The following DARS1 variants were observed in gnomAD, a reference collection of about 807,000 sequenced individuals.
DARS1 encodes the protein aspartyl-tRNA synthetase 1.
DARS1 carries 51 observed loss-of-function variants against 68.8 expected under a neutral mutation model. The observed-to-expected ratio is 0.74, with a 90% CI of 0.59 to 0.94. The LOEUF (loss-of-function observed/expected upper bound fraction) is 0.94. Ranked by LOEUF, DARS1 falls within the 40% of genes least tolerant of loss-of-function variation. The probability of loss-of-function intolerance (pLI) is 0.00; values close to 1 mark genes in which losing one functional copy is unlikely to be tolerated. For synonymous variants in DARS1, 203 were observed against 190.4 expected, an observed-to-expected ratio of 1.07 and a Z score of -0.55; for missense variants, 607 against 597.3, an observed-to-expected ratio of 1.02 and a Z score of -0.17.
intron 4 of DARS1, among the ~76,000 whole-genome samples, chr2:135,948,643 T>A (rs1298241931): frequency 1.3e-5 from 2 of 152,102 alleles, no homozygotes; most frequent in African/African-American, 4.8e-5. Context: ...GGCGGGTGGA[T>A]CACTTGAGGT....
At chr2:135,912,677 T>C (rs1680921286) in intron 12 of DARS1, 111 bp from the exon 13 acceptor site, 1 of 514,004 alleles carries the variant, frequency 1.9e-6, no homozygotes, top group South Asian at 3.4e-5. Flanking sequence ...ACTCTAATTA[T>C]ATTGTATATA....
At chr2:135,968,772 A>C (rs1384100603) in intron 3 of DARS1, among the ~76,000 whole-genome samples, 2 of 149,086 alleles carry the variant, frequency 1.3e-5, no homozygotes, top group South Asian at 2.1e-4. Flanking sequence ...AGTGATTCTC[A>C]TGCCTCAGAC....
chr2:135,938,703 G>C (rs997749476), intron 5 of DARS1, among the ~76,000 whole-genome samples: 1 of 152,094 alleles, frequency 6.6e-6, no homozygotes, highest in African/African-American at 2.4e-5. Flanking sequence ...CCAATTAAAA[G>C]ACACAGACTG....
chr2:135,918,450 G>A (rs959816843), intron 10 of DARS1, among the ~76,000 whole-genome samples: 1 of 152,070 alleles, frequency 6.6e-6, no homozygotes, highest in Non-Finnish European at 1.5e-5. Context: ...ATAAACACGA[G>A]AGGAACATGA....
chr2:135,916,598 A>G (rs1180532585), intron 10 of DARS1, among the ~76,000 whole-genome samples: 1 of 149,648 alleles, frequency 6.7e-6, no homozygotes, highest in African/African-American at 2.6e-5. Context: ...AATTTTCTTT[A>G]TAATTCATAT....
intron 4 of DARS1, among the ~76,000 whole-genome samples, chr2:135,950,024 C>A (rs1289140819): frequency 6.6e-6 from 1 of 152,148 alleles, no homozygotes; most frequent in East Asian, 1.9e-4. Flanking sequence ...GATTAAGAAA[C>A]CCCAGCTGGA....
chr2:135,978,969 CA>C, intron 3 of DARS1: 7 of 193,284 alleles, frequency 3.6e-5, no homozygotes, highest in East Asian at 2.3e-4. Context: ...TCTTTTTTTT[CA>C]ATTTTTTTTT....
At chr2:135,975,703 G>A (rs2104846088) in intron 3 of DARS1, among the ~76,000 whole-genome samples, 1 of 145,704 alleles carries the variant, frequency 6.9e-6, no homozygotes, top group Middle Eastern at 3.9e-3. Context: ...GCAGTGAACC[G>A]AGACCACACC....
rs992435404 is a variant in DARS1 at position 135,907,242 on chromosome 2, CTTT to C, written c.*71_*73del. The stretch of plus-strand genomic sequence containing the variant: ...TACTGAAAAGAATAAGTGTGGCTTT[CTTT>C]TTTTTTTTTTTTTTTTGAGGCAGGG... On this transcript the variant is annotated 3_prime_UTR_variant, in exon 16 of 16. Coordinates refer to ENST00000264161, the MANE Select transcript of DARS1 (RefSeq NM_001349.4). 9,535 of 446,562 alleles carry C rather than the reference CTTT, an allele frequency of 0.021. 2 individuals carry two copies. Among genetic ancestry groups the C allele is most frequent in the East Asian group, 0.046 (906 of 19,762 alleles). 27.7% of individuals were successfully genotyped at this position (446,562 alleles called of 1,614,324 possible).
intron 5 of DARS1, among the ~76,000 whole-genome samples, chr2:135,942,397 C>T (rs936892292): frequency 1.3e-5 from 2 of 151,352 alleles, no homozygotes; most frequent in African/African-American, 4.9e-5. Context: ...AGCAAACTAT[C>T]ACAAGGGCAG....
At chr2:135,978,971 A>AT (rs5834455) in intron 3 of DARS1, 4,098 of 191,498 alleles carry the variant, frequency 0.021, 12 homozygotes, top group Non-Finnish European at 0.025. Flanking sequence ...TTTTTTTTCA[A>AT]TTTTTTTTTT....
Position 135,907,261 on chromosome 2 carries a change from T to TTTTTTTTTTTTTGGG in DARS1, c.*54_*55insCCCAAAAAAAAAAAA. 2.2e-6 allele frequency: 2 copies of TTTTTTTTTTTTTGGG among 889,242 alleles called. No homozygotes were observed. The highest frequency in any genetic ancestry group is 1.7e-6 in the Non-Finnish European group (1 of 601,878). 55.1% of individuals were successfully genotyped at this position (889,242 alleles called of 1,614,324 possible). A position where few individuals can be genotyped will look rare whatever the true frequency, so the allele number is the denominator to read the frequency against. On this transcript the variant is annotated 3_prime_UTR_variant, in exon 16 of 16. Transcript: ENST00000264161. ...GGCTTTCTTTTTTTTTTTTTTTTTT[T>TTTTTTTTTTTTTGGG]GAGGCAGGGTCTCGCTCTGTCATCC...
At chr2:135,973,348 T>C (rs979489123) in intron 3 of DARS1, among the ~76,000 whole-genome samples, 2 of 152,162 alleles carry the variant, frequency 1.3e-5, no homozygotes, top group African/African-American at 4.8e-5. Context: ...TATTCTCACT[T>C]ACTTGTGGGA....
At chr2:135,941,983 T>A (rs2104817850) in intron 5 of DARS1, among the ~76,000 whole-genome samples, 1 of 152,266 alleles carries the variant, frequency 6.6e-6, no homozygotes, top group South Asian at 2.1e-4. Flanking sequence ...AGAATGGCGA[T>A]CATTAAAAAG....
intron 4 of DARS1, among the ~76,000 whole-genome samples, chr2:135,949,317 C>T (rs1276438161): frequency 1.3e-5 from 2 of 152,000 alleles, no homozygotes; most frequent in Non-Finnish European, 2.9e-5. Flanking sequence ...ACAGTCAATA[C>T]AAAAAGGCCT....
At chr2:135,914,598 A>C in intron 11 of DARS1, 87 bp from the exon 12 acceptor site, 1 of 866,216 alleles carries the variant, frequency 1.2e-6, no homozygotes, top group Non-Finnish European at 2.0e-6. Flanking sequence ...TGAGTTTCTC[A>C]AGGGATTACA....
At chr2:135,965,002 T>C (rs1466154386) in intron 3 of DARS1, among the ~76,000 whole-genome samples, 2 of 152,066 alleles carry the variant, frequency 1.3e-5, no homozygotes, top group African/African-American at 4.8e-5. Flanking sequence ...TATGAGCATA[T>C]TGTTTTACAA....
chr2:135,935,315 G>A (rs182254032), intron 5 of DARS1, among the ~76,000 whole-genome samples: 152 of 152,074 alleles, frequency 1.0e-3, no homozygotes, highest in African/African-American at 1.9e-3. Flanking sequence ...TCCCTCAATA[G>A]GCCAGGCGCG....
intron 5 of DARS1, among the ~76,000 whole-genome samples, chr2:135,938,546 G>C (rs1015569188): frequency 6.6e-6 from 1 of 152,162 alleles, no homozygotes; most frequent in Non-Finnish European, 1.5e-5. Flanking sequence ...GAGGAGCTGC[G>C]TTCCTTTGGA....
Sources: allele counts gnomAD v4.1 joint callset (sites outside exome capture counted in the v4.1 genomes callset), GRCh38; gene constraint gnomAD v4.1.1; transcripts MANE v1.5; gene names NCBI Gene and HGNC (gene_info 2026-07-23, HGNC 2026-07-21).